MCEMP1: variants seen among roughly 807,000 people sequenced by gnomAD.
MCEMP1 encodes the protein mast cell-expressed membrane protein 1.
Under a neutral mutation model 27.9 loss-of-function variants are expected in MCEMP1, and 17 were observed. That is an observed-to-expected ratio of 0.61 (90% CI 0.42 to 0.91). The LOEUF is 0.91. Among genes scored for constraint, MCEMP1 ranks in the 40% least tolerant of loss-of-function variants. The probability of loss-of-function intolerance (pLI) is 0.00; values close to 1 mark genes in which losing one functional copy is unlikely to be tolerated. For missense variants in MCEMP1, 200 were observed against 204.8 expected, an observed-to-expected ratio of 0.98 and a Z score of 0.14; for synonymous variants, 88 against 76.9, an observed-to-expected ratio of 1.14 and a Z score of -0.76.
In MCEMP1 at chr19:7,678,139, C is replaced by T. The variant is rs746085359; in HGVS notation, c.181C>T (p.Gln61Ter). The T allele has an allele frequency of 1.9e-6, 3 of 1,612,866 alleles. No individual in the cohort carries two copies. The highest frequency in any genetic ancestry group is 2.5e-6 in the Non-Finnish European group (3 of 1,179,448). Residue 61 changes from glutamine (Q) to a stop codon, truncating the protein, a stop_gained, in exon 3 of 7, where the codon CAG becomes TAG. Transcript: ENST00000333598. LOFTEE classifies it high-confidence loss of function. This position sits in a 1 kb window ranked among gnomAD's most constrained non-coding sequence, Gnocchi z 4.8. Reference sequence around the variant, plus strand: ...GTGCAGGCCGCCCTCAGACTCCACCCAGGTCCCCTGCTGGTTGTACAGAGC... The same window carrying T: ...GTGCAGGCCGCCCTCAGACTCCACCTAGGTCCCCTGCTGGTTGTACAGAGC... ...AQCRPPSDST[Q>*]VPCWLYRAIL...
rs2032566473 is a variant in MCEMP1 at position 7,677,507 on chromosome 19, C to T, written c.56-130C>T. On this transcript the variant is annotated intron_variant, in intron 1 of 6. Transcript: ENST00000333598. This position sits in a 1 kb window ranked among gnomAD's most constrained non-coding sequence, Gnocchi z 4.6. ...ACACCCGCTCCACTTAACCAAAAAG[C>T]AGATTTTAGCTTCTCACTCCTTATC... is the stretch of plus-strand genomic sequence containing the variant. The T allele has an allele frequency of 6.4e-6, 6 of 933,412 alleles. No homozygotes were observed. Among genetic ancestry groups the T allele is most frequent in the Non-Finnish European group, 1.0e-5 (6 of 581,312 alleles). The allele number at this position is 933,412 out of a possible 1,614,324, so 57.8% of individuals were successfully genotyped here. A position where few individuals can be genotyped will look rare whatever the true frequency, so the allele number is the denominator to read the frequency against.
Position 7,678,859 on chromosome 19 carries a change from G to T in MCEMP1, c.449-65G>T. Reference sequence around the variant, plus strand: ...GGGGGTGCTTCCAAGGAAGGTGGGGGCTTTGTTTGAGGCTCCACCGCAGCT... The same window carrying T: ...GGGGGTGCTTCCAAGGAAGGTGGGGTCTTTGTTTGAGGCTCCACCGCAGCT... On this transcript the variant is annotated intron_variant, in intron 5 of 6. Coordinates refer to ENST00000333598, the MANE Select transcript of MCEMP1 (RefSeq NM_174918.3). This position sits in a 1 kb window ranked among gnomAD's most constrained non-coding sequence, Gnocchi z 4.8. 1 of 1,447,424 alleles carries T rather than the reference G, an allele frequency of 6.9e-7. No individual in the cohort carries two copies. The highest frequency in any genetic ancestry group is 9.4e-7 in the Non-Finnish European group (1 of 1,061,528). 89.7% of individuals were successfully genotyped at this position (1,447,424 alleles called of 1,614,324 possible). A position where few individuals can be genotyped will look rare whatever the true frequency, so the allele number is the denominator to read the frequency against.
chr19:7,678,495 A>T lies in MCEMP1; in HGVS notation c.339A>T (p.Ser113=). The change falls in exon 5 of 7, where the codon TCA becomes TCT. Residue 113 remains serine, a synonymous_variant. Transcript: ENST00000333598. The surrounding 1 kb of genome is among the most constrained non-coding windows in gnomAD (Gnocchi z 4.8). ...LGFKRELWNV[S]NSVQACEERQ... is the part of the protein sequence containing the mutation. ...ACCCCTGTTTCATGCCCTCAGTCTC[A>T]AACTCCGTACAAGCATGCGAAGAGA... is the stretch of plus-strand genomic sequence containing the variant. 6.2e-7 allele frequency: 1 copy of T among 1,614,096 alleles called. No homozygotes were observed. Among genetic ancestry groups the T allele is most frequent in the African/African-American group, 1.3e-5 (1 of 75,010 alleles).
rs764713579 is a variant in MCEMP1, at chr19:7,678,068, G to A, written c.146-36G>A. On this transcript the variant is annotated intron_variant, in intron 2 of 6. Coordinates refer to ENST00000333598, the MANE Select transcript of MCEMP1 (RefSeq NM_174918.3). The surrounding 1 kb of genome is among the most constrained non-coding windows in gnomAD (Gnocchi z 4.8). The stretch of plus-strand genomic sequence containing the variant: ...GAGGATGGTTTGAGTGGTGGTGCTG[G>A]CCCCTCAAGGTCACTTTGCTGCCTC... 2.6e-6 allele frequency: 4 copies of A among 1,556,336 alleles called. No homozygotes were observed. The highest frequency in any genetic ancestry group is 4.5e-5 in the East Asian group (2 of 44,494).
In MCEMP1 at chr19:7,678,782, G is replaced by A. The variant is rs1421226796; in HGVS notation, c.449-142G>A. On this transcript the variant is annotated intron_variant, in intron 5 of 6. Coordinates refer to ENST00000333598, the MANE Select transcript of MCEMP1 (RefSeq NM_174918.3). The surrounding 1 kb of genome is among the most constrained non-coding windows in gnomAD (Gnocchi z 4.8). ...CTCTGTGGGTATTGAAAGGCTCCTG[G>A]GAACCCCAAATCCATGGGCTCTGCT... The A allele has an allele frequency of 9.0e-7, 1 of 1,105,416 alleles. No individual in the cohort carries two copies. The highest frequency in any genetic ancestry group is 1.6e-5 in the African/African-American group (1 of 63,572). 68.5% of individuals were successfully genotyped at this position (1,105,416 alleles called of 1,614,324 possible).
At position 7,679,175 on chromosome 19, in the gene MCEMP1, G is replaced by A. The variant is rs2032591376; in HGVS notation, c.*61G>A. The A allele has an allele frequency of 1.7e-5, 24 of 1,434,128 alleles. No homozygotes were observed. Among genetic ancestry groups the A allele is most frequent in the South Asian group, 3.9e-5 (3 of 76,002 alleles). The allele number at this position is 1,434,128 out of a possible 1,614,324, so 88.8% of individuals were successfully genotyped here. ...GGAAGATGGGGCTGCACCTGCCAAC[G>A]AAGACGGGAAATGACCCCCCCCCCC... On this transcript the variant is annotated 3_prime_UTR_variant, in exon 7 of 7. Coordinates refer to ENST00000333598, the MANE Select transcript of MCEMP1 (RefSeq NM_174918.3). The surrounding 1 kb of genome is among the most constrained non-coding windows in gnomAD (Gnocchi z 4.9).
chr19:7,677,944 G>A lies in MCEMP1; in HGVS notation c.146-160G>A. 3 of 1,188,366 alleles carry A rather than the reference G, an allele frequency of 2.5e-6. No homozygotes were observed. The highest frequency in any genetic ancestry group is 2.4e-5 in the East Asian group (1 of 42,502). The allele number at this position is 1,188,366 out of a possible 1,614,324, so 73.6% of individuals were successfully genotyped here. A position where few individuals can be genotyped will look rare whatever the true frequency, so the allele number is the denominator to read the frequency against. On this transcript the variant is annotated intron_variant, in intron 2 of 6. Coordinates refer to ENST00000333598, the MANE Select transcript of MCEMP1 (RefSeq NM_174918.3). This position sits in a 1 kb window ranked among gnomAD's most constrained non-coding sequence, Gnocchi z 4.6. ...TGACGGTGTTAGATCGCTGAGGGTG[G>A]CTGGTGGTGGCAGTGTTGTTGACGA...
rs771400396 is a variant in MCEMP1 at position 7,678,488 on chromosome 19, C to A, written c.335-3C>A. The A allele has an allele frequency of 1.2e-6, 2 of 1,614,000 alleles. No homozygotes were observed. Among genetic ancestry groups the A allele is most frequent in the East Asian group, 2.2e-5 (1 of 44,876 alleles). On this transcript the variant is annotated splice_polypyrimidine_tract_variant and splice_region_variant and intron_variant, in intron 4 of 6. Transcript: ENST00000333598. This position sits in a 1 kb window ranked among gnomAD's most constrained non-coding sequence, Gnocchi z 4.8. The stretch of plus-strand genomic sequence containing the variant: ...CACAGACACCCCTGTTTCATGCCCT[C>A]AGTCTCAAACTCCGTACAAGCATGC...
rs1229209825 is a variant in MCEMP1 at position 7,677,782 on chromosome 19, G to A, written c.145+56G>A. The A allele has an allele frequency of 3.2e-5, 47 of 1,479,756 alleles. No homozygotes were observed. Among genetic ancestry groups the A allele is most frequent in the African/African-American group, 1.7e-4 (12 of 71,014 alleles). The allele number at this position is 1,479,756 out of a possible 1,614,324, so 91.7% of individuals were successfully genotyped here. A position where few individuals can be genotyped will look rare whatever the true frequency, so the allele number is the denominator to read the frequency against. ...TCACCTTGGGAAGGGGCAGGTGGGC[G>A]GGCAACTGCAGGGCCCCCGGGGCTG... On this transcript the variant is annotated intron_variant, in intron 2 of 6. Coordinates refer to ENST00000333598, the MANE Select transcript of MCEMP1 (RefSeq NM_174918.3). This position sits in a 1 kb window ranked among gnomAD's most constrained non-coding sequence, Gnocchi z 4.6.
rs12460179 is a variant in MCEMP1, at chr19:7,677,398, G to A, written c.55+223G>A. The stretch of plus-strand genomic sequence containing the variant: ...CAGATGGGAGAGGTAAGGGGTCAAA[G>A]GTGGGGGCCGGGGGCTCCTTCCCCT... On this transcript the variant is annotated intron_variant, in intron 1 of 6. Transcript: ENST00000333598. The surrounding 1 kb of genome is among the most constrained non-coding windows in gnomAD (Gnocchi z 4.6). 0.022 allele frequency among the ~76,000 whole-genome samples: 3,292 copies of A among 149,728 alleles called. 91 individuals carry two copies. Among genetic ancestry groups the A allele is most frequent in the East Asian group, 0.1 (519 of 5,084 alleles).
chr19:7,677,518 T>C lies in MCEMP1; in HGVS notation c.56-119T>C. 9.7e-7 allele frequency: 1 copy of C among 1,035,876 alleles called. No homozygotes were observed. Among genetic ancestry groups the C allele is most frequent in the Non-Finnish European group, 1.5e-6 (1 of 667,636 alleles). 64.2% of individuals were successfully genotyped at this position (1,035,876 alleles called of 1,614,324 possible). Reference sequence around the variant, plus strand: ...ACTTAACCAAAAAGCAGATTTTAGCTTCTCACTCCTTATCTTTCACCCCCT... The same window carrying C: ...ACTTAACCAAAAAGCAGATTTTAGCCTCTCACTCCTTATCTTTCACCCCCT... On this transcript the variant is annotated intron_variant, in intron 1 of 6. Coordinates refer to ENST00000333598, the MANE Select transcript of MCEMP1 (RefSeq NM_174918.3). This position sits in a 1 kb window ranked among gnomAD's most constrained non-coding sequence, Gnocchi z 4.6.
At position 7,678,001 on chromosome 19, in the gene MCEMP1, T is replaced by C; in HGVS notation, c.146-103T>C. ...CAAGCTGCATGACCACAGCTGCTGA[T>C]GGTTTTGAGAGGAGCGAGGTGTCCA... On this transcript the variant is annotated intron_variant, in intron 2 of 6. Transcript: ENST00000333598. The surrounding 1 kb of genome is among the most constrained non-coding windows in gnomAD (Gnocchi z 4.8). 6.8e-7 allele frequency: 1 copy of C among 1,469,918 alleles called. No homozygotes were observed. The highest frequency in any genetic ancestry group is 2.3e-5 in the Admixed American group (1 of 44,238). 91.1% of individuals were successfully genotyped at this position (1,469,918 alleles called of 1,614,324 possible).
rs372574521 is a variant in MCEMP1 at position 7,678,406 on chromosome 19, C to T, written c.334+6C>T. The T allele has an allele frequency of 5.2e-5, 84 of 1,613,926 alleles. No homozygotes were observed. The highest frequency in any genetic ancestry group is 4.8e-4 in the South Asian group (44 of 91,066). On this transcript the variant is annotated splice_donor_region_variant and intron_variant, in intron 4 of 6. Coordinates refer to ENST00000333598, the MANE Select transcript of MCEMP1 (RefSeq NM_174918.3). The surrounding 1 kb of genome is among the most constrained non-coding windows in gnomAD (Gnocchi z 4.8). The stretch of plus-strand genomic sequence containing the variant: ...TAAAAGGGAGCTTTGGAATGGTGAG[C>T]GGAGGGTCTGAGGGAGACCCGTGGG...
At position 7,678,414 on chromosome 19, in the gene MCEMP1, C is replaced by T. The variant is rs764006691; in HGVS notation, c.334+14C>T. The stretch of plus-strand genomic sequence containing the variant: ...AGCTTTGGAATGGTGAGCGGAGGGT[C>T]TGAGGGAGACCCGTGGGGTCATGGT... On this transcript the variant is annotated intron_variant, in intron 4 of 6. Transcript: ENST00000333598. The surrounding 1 kb of genome is among the most constrained non-coding windows in gnomAD (Gnocchi z 4.8). 2 of 1,613,872 alleles carry T rather than the reference C, an allele frequency of 1.2e-6. No homozygotes were observed. Among genetic ancestry groups the T allele is most frequent in the African/African-American group, 1.3e-5 (1 of 74,864 alleles).
At position 7,678,857 on chromosome 19, in the gene MCEMP1, G is replaced by A. The variant is rs547619522; in HGVS notation, c.449-67G>A. The stretch of plus-strand genomic sequence containing the variant: ...GGGGGGGTGCTTCCAAGGAAGGTGG[G>A]GGCTTTGTTTGAGGCTCCACCGCAG... On this transcript the variant is annotated intron_variant, in intron 5 of 6. Coordinates refer to ENST00000333598, the MANE Select transcript of MCEMP1 (RefSeq NM_174918.3). The surrounding 1 kb of genome is among the most constrained non-coding windows in gnomAD (Gnocchi z 4.8). 22 of 1,442,864 alleles carry A rather than the reference G, an allele frequency of 1.5e-5. No individual in the cohort carries two copies. Among genetic ancestry groups the A allele is most frequent in the Non-Finnish European group, 2.1e-5 (22 of 1,057,800 alleles). 89.4% of individuals were successfully genotyped at this position (1,442,864 alleles called of 1,614,324 possible). A position where few individuals can be genotyped will look rare whatever the true frequency, so the allele number is the denominator to read the frequency against.
At position 7,678,444 on chromosome 19, in the gene MCEMP1, G is replaced by A; in HGVS notation, c.334+44G>A. The stretch of plus-strand genomic sequence containing the variant: ...GGAGACCCGTGGGGTCATGGTGGGG[G>A]TCTGGAGAGGGATGGATGCACAGAC... On this transcript the variant is annotated intron_variant, in intron 4 of 6. Transcript: ENST00000333598. This position sits in a 1 kb window ranked among gnomAD's most constrained non-coding sequence, Gnocchi z 4.8. 6.2e-7 allele frequency: 1 copy of A among 1,613,936 alleles called. No individual in the cohort carries two copies. The highest frequency in any genetic ancestry group is 8.5e-7 in the Non-Finnish European group (1 of 1,179,890).
Position 7,678,313 on chromosome 19 carries a change from T to C in MCEMP1, c.284-37T>C. On this transcript the variant is annotated intron_variant, in intron 3 of 6. Coordinates refer to ENST00000333598, the MANE Select transcript of MCEMP1 (RefSeq NM_174918.3). This position sits in a 1 kb window ranked among gnomAD's most constrained non-coding sequence, Gnocchi z 4.8. ...CCTTGTCCTTCTCTCTCTCTCTCCC[T>C]GGGTGCTTCAAGGATTTTCCTGCCC... is the stretch of plus-strand genomic sequence containing the variant. 1 of 1,614,034 alleles carries C rather than the reference T, an allele frequency of 6.2e-7. No homozygotes were observed.
chr19:7,678,969 T>C lies in MCEMP1; in HGVS notation c.494T>C (p.Leu165Pro), dbSNP rs1288397909. 1 of 1,514,744 alleles carries C rather than the reference T, an allele frequency of 6.6e-7. No homozygotes were observed. Among genetic ancestry groups the C allele is most frequent in the South Asian group, 1.1e-5 (1 of 87,390 alleles). 93.8% of individuals were successfully genotyped at this position (1,514,744 alleles called of 1,614,324 possible). Residue 165 changes from leucine to proline, a missense_variant, in exon 6 of 7, where the codon CTG (leucine) becomes CCG (proline). Coordinates refer to ENST00000333598, the MANE Select transcript of MCEMP1 (RefSeq NM_174918.3). This position sits in a 1 kb window ranked among gnomAD's most constrained non-coding sequence, Gnocchi z 4.8. ...DTKVQKILEV[L>P]QKMPQSSPQ ...AAGGTACAGAAAATCTTGGAGGTGC[T>C]GCAGAAAATGCCACGTAAGTTGGCG... is the stretch of plus-strand genomic sequence containing the variant.
Position 7,678,422 on chromosome 19 carries a change from G to C in MCEMP1, c.334+22G>C, listed in dbSNP as rs753758784. ...AATGGTGAGCGGAGGGTCTGAGGGA[G>C]ACCCGTGGGGTCATGGTGGGGGTCT... is the stretch of plus-strand genomic sequence containing the variant. On this transcript the variant is annotated intron_variant, in intron 4 of 6. Transcript: ENST00000333598. This position sits in a 1 kb window ranked among gnomAD's most constrained non-coding sequence, Gnocchi z 4.8. 1 of 1,614,058 alleles carries C rather than the reference G, an allele frequency of 6.2e-7. No individual in the cohort carries two copies. Among genetic ancestry groups the C allele is most frequent in the Non-Finnish European group, 8.5e-7 (1 of 1,179,988 alleles).
Sources: gnomAD v4.1 joint callset for allele counts (sites outside exome capture counted in the v4.1 genomes callset) on GRCh38, gnomAD v4.1.1 for gene constraint, Gnocchi (gnomAD v3.1) non-coding constraint, MANE v1.5 for transcripts, NCBI Gene and HGNC (gene_info 2026-07-23, HGNC 2026-07-21) for gene names.